The following MAP7D3 variants were observed in gnomAD, a reference collection of about 807,000 sequenced individuals.
MAP7D3 encodes MAP7 domain-containing protein 3.
MAP7D3 carries 45 observed loss-of-function variants against 62.2 expected under a neutral mutation model. The ratio of observed to expected loss-of-function variants is 0.72; its 90% CI spans 0.57 to 0.93. The LOEUF is 0.93. MAP7D3 is among the 40% of genes least tolerant of loss of function. MAP7D3 has a pLI of 0.00. For missense variants in MAP7D3, 711 were observed against 683.1 expected, an observed-to-expected ratio of 1.04 and a Z score of -0.45; for synonymous variants, 288 against 248.8, an observed-to-expected ratio of 1.16 and a Z score of -1.48.
Position 136,231,904 on chromosome X carries a change from T to TGTGCTCACCACAGGCGACACGTCC in MAP7D3, c.1029_1052dup (p.Asp344_Thr351dup), listed in dbSNP as rs771095433. 6.6e-6 allele frequency: 8 copies of TGTGCTCACCACAGGCGACACGTCC among 1,209,518 alleles called. No homozygotes were observed. The highest frequency in any genetic ancestry group is 8.9e-6 in the Non-Finnish European group (8 of 895,037). ...CGTCCATGCTCATCTCAGAATCATA[T>TGTGCTCACCACAGGCGACACGTCC]GTGCTCACCACAGGCGACACGTCCA... is the stretch of plus-strand genomic sequence containing the variant. On this transcript the variant is annotated inframe_insertion, in exon 8 of 19. Coordinates refer to ENST00000316077, the MANE Select transcript of MAP7D3 (RefSeq NM_024597.4).
chrX:136,218,008 T>C lies in MAP7D3; in HGVS notation c.*518A>G, dbSNP rs141784916. The C allele has an allele frequency of 1.2e-3, 135 of 108,588 alleles. No homozygotes were observed. The highest frequency in any genetic ancestry group is 4.0e-3 in the African/African-American group (118 of 29,738). 8.9% of individuals were successfully genotyped at this position (108,588 alleles called of 1,213,427 possible). ...AGGCGGAGGTTGCAGTGAGCCGAGA[T>C]TGTGCCACTGCACTGCAGCCTGGGC... On this transcript the variant is annotated 3_prime_UTR_variant, in exon 19 of 19. Coordinates refer to ENST00000316077, the MANE Select transcript of MAP7D3 (RefSeq NM_024597.4).
At chrX:136,233,811 T>G (rs904791750) in intron 7 of MAP7D3, among the ~76,000 whole-genome samples, 3 of 111,237 alleles carry the variant, frequency 2.7e-5, no homozygotes, top group East Asian at 2.8e-4. Context: ...TCACTTTTAG[T>G]GGAGAAAGCA....
chrX:136,228,810 C>A, intron 10 of MAP7D3, 52 bp from the exon 11 acceptor site: 1 of 1,025,259 alleles, frequency 9.8e-7, no homozygotes. Context: ...AACTCTCACT[C>A]CAACAAAGAA....
At chrX:136,251,509 G>GACCTGCGA, upstream of MAP7D3, 2 of 847,411 alleles carry the variant, frequency 2.4e-6, no homozygotes, top group South Asian at 1.3e-4. Flanking sequence ...GCCCGCCTCG[G>GACCTGCGA]ACCTGCGAAC....
chrX:136,245,966 TACTCTATCATATAA>T, intron 3 of MAP7D3, 85 bp downstream of exon 3: 1 of 513,760 alleles, frequency 1.9e-6, no homozygotes, highest in Non-Finnish European at 3.1e-6. Flanking sequence ...ATAAAAATTA[TACTCTATCATATAA>T]ACAAATTAGG....
At chrX:136,249,298 T>G (rs1244820713) in intron 1 of MAP7D3, among the ~76,000 whole-genome samples, 3 of 112,426 alleles carry the variant, frequency 2.7e-5, no homozygotes, top group African/African-American at 9.7e-5. Context: ...TGGTAGAAAT[T>G]ATTCTTTGAA....
chrX:136,227,211 A>G (rs2074208184), intron 12 of MAP7D3, 73 bp downstream of exon 12: 3 of 955,368 alleles, frequency 3.1e-6, no homozygotes, highest in Non-Finnish European at 4.3e-6. Context: ...AGAGACAGAG[A>G]TTTTTGCTCT....
chrX:136,246,116 TTA>T lies in MAP7D3; in HGVS notation c.200_201del (p.Ile67LysfsTer20), dbSNP rs754835078. 6.7e-6 allele frequency: 8 copies of T among 1,201,788 alleles called. No homozygotes were observed. Among genetic ancestry groups the T allele is most frequent in the Admixed American group, 6.6e-5 (3 of 45,768 alleles). ...VIDGSMLKNDIKQRLARERRE... is the reference protein window; with the variant it reads ...VIDGSMLKNDXKQRLARERRE... ...CTGCGCTCTCTTGCTAATCTTTGTT[TTA>T]TGTCATTTTTAAGCATGGATCCATC... On this transcript the variant is annotated frameshift_variant, in exon 3 of 19. Coordinates refer to ENST00000316077, the MANE Select transcript of MAP7D3 (RefSeq NM_024597.4). LOFTEE classifies it high-confidence loss of function.
intron 14 of MAP7D3, among the ~76,000 whole-genome samples, chrX:136,224,382 A>C (rs766253745): frequency 1.0e-4 from 11 of 106,685 alleles, no homozygotes; most frequent in Non-Finnish European, 1.9e-4. Flanking sequence ...CCTGGGTGAC[A>C]GAGCGGGACT....
Position 136,241,191 on chromosome X carries a change from G to A in MAP7D3, c.504C>T (p.Gly168=). The A allele has an allele frequency of 8.4e-7, 1 of 1,184,269 alleles. No homozygotes were observed. The highest frequency in any genetic ancestry group is 2.2e-5 in the Admixed American group (1 of 44,818). The part of the protein sequence containing the change: ...DYQQKRWSWG[G]SAMANSESKT... ...TGCTCTCAGAATTCGCCATTGCAGAGCCTCCCCATGACCATCTTTTTTGCT... is the reference window on the plus strand; with the variant it reads ...TGCTCTCAGAATTCGCCATTGCAGAACCTCCCCATGACCATCTTTTTTGCT... The change falls in exon 5 of 19, where the codon GGC becomes GGT. Residue 168 remains glycine, a synonymous_variant. Coordinates refer to ENST00000316077, the MANE Select transcript of MAP7D3 (RefSeq NM_024597.4).
downstream of MAP7D3, chrX:136,213,433 G>A (rs1353323887): frequency 9.0e-6 from 1 of 110,516 alleles, no homozygotes; most frequent in Non-Finnish European, 1.9e-5. Flanking sequence ...TCAAATCCTG[G>A]CTGCTCTGCC....
In MAP7D3 at chrX:136,216,898, A is replaced by G. The variant is rs981857844; in HGVS notation, c.*1628T>C. ...CAACACAAGACATTTGTGCAGAAAA[A>G]TAACAGGAACTCTTTTGTTAGGATG... On this transcript the variant is annotated 3_prime_UTR_variant, in exon 19 of 19. Coordinates refer to ENST00000316077, the MANE Select transcript of MAP7D3 (RefSeq NM_024597.4). The G allele has an allele frequency of 1.8e-5, 2 of 112,564 alleles. No homozygotes were observed. The highest frequency in any genetic ancestry group is 3.7e-5 in the Non-Finnish European group (2 of 53,362). The allele number at this position is 112,564 out of a possible 1,213,427, so 9.3% of individuals were successfully genotyped here. A position where few individuals can be genotyped will look rare whatever the true frequency, so the allele number is the denominator to read the frequency against.
intron 10 of MAP7D3, among the ~76,000 whole-genome samples, chrX:136,229,993 A>ATATTTT (rs1210531192): frequency 1.9e-4 from 9 of 48,100 alleles, no homozygotes; most frequent in African/African-American, 8.4e-4. Flanking sequence ...ATATATATAT[A>ATATTTT]TTTTTTTTTT....
chrX:136,216,399 A>AAAG (rs1317775024), downstream of MAP7D3, among the ~76,000 whole-genome samples: 55 of 104,423 alleles, frequency 5.3e-4, no homozygotes, highest in African/African-American at 1.7e-3. Flanking sequence ...AGAGAAGAAG[A>AAAG]AAGAAGAAGA....
At position 136,246,044 on chromosome X, in the gene MAP7D3, GA is replaced by G. The variant is rs766026754; in HGVS notation, c.253+20del. 3 of 1,123,300 alleles carry G rather than the reference GA, an allele frequency of 2.7e-6. No homozygotes were observed. Among genetic ancestry groups the G allele is most frequent in the Non-Finnish European group, 3.6e-6 (3 of 829,230 alleles). 92.6% of individuals were successfully genotyped at this position (1,123,300 alleles called of 1,213,427 possible). On this transcript the variant is annotated intron_variant, in intron 3 of 18. Transcript: ENST00000316077. ...TATAACACAATTCATTTTGATTTTTGAAAAAAGGTCTAAAATATACCGTCTT... is the reference window on the plus strand; with the variant it reads ...TATAACACAATTCATTTTGATTTTTGAAAAAGGTCTAAAATATACCGTCTT...
chrX:136,254,209 C>T (rs1025694870), upstream of MAP7D3, among the ~76,000 whole-genome samples: 2 of 107,678 alleles, frequency 1.9e-5, no homozygotes, highest in Non-Finnish European at 3.9e-5. Flanking sequence ...CTCAGCCTCC[C>T]AAGTAGCAGG....
intron 8 of MAP7D3, 25 bp downstream of exon 8, chrX:136,231,519 T>C (rs369499927): frequency 8.7e-6 from 10 of 1,147,707 alleles, no homozygotes; most frequent in Non-Finnish European, 1.0e-5. Flanking sequence ...ATAGAAAATT[T>C]GTCAATAACA....
At chrX:136,244,593 C>T (rs745638983) in intron 4 of MAP7D3, 39 bp downstream of exon 4, 5 of 1,161,444 alleles carry the variant, frequency 4.3e-6, no homozygotes, top group African/African-American at 3.5e-5. Flanking sequence ...TCAGGCAACA[C>T]AGTTTATCCT....
At chrX:136,253,458 T>C (rs2074534266), upstream of MAP7D3, among the ~76,000 whole-genome samples, 1 of 112,480 alleles carries the variant, frequency 8.9e-6, no homozygotes, top group Admixed American at 9.4e-5. Context: ...CTTCAAAATA[T>C]TAGTGTCATG....
Sources: allele counts gnomAD v4.1 joint callset (sites outside exome capture counted in the v4.1 genomes callset), GRCh38; gene constraint gnomAD v4.1.1; transcripts MANE v1.5; gene names NCBI Gene and HGNC (gene_info 2026-07-23, HGNC 2026-07-21).